The following FOXN3 variants were observed in gnomAD, a reference collection of about 807,000 sequenced individuals.
FOXN3 encodes forkhead box N3, also known as forkhead box protein N3.
In FOXN3, 7 loss-of-function variants were observed where a neutral mutation model predicts 38.4. The observed-to-expected ratio is 0.18, with a 90% CI of 0.10 to 0.34. The LOEUF is 0.34. FOXN3 is among the 10% of genes least tolerant of loss of function. The pLI is 1.00. For synonymous variants in FOXN3, 230 were observed against 242.2 expected (o/e 0.95, Z 0.47); for missense variants, 456 against 613.4 (o/e 0.74, Z 2.71).
chr14:89,292,261 A>G (rs912219449), intron 3 of FOXN3, among the ~76,000 whole-genome samples: 4 of 151,844 alleles, frequency 2.6e-5, no homozygotes, highest in African/African-American at 9.7e-5. Flanking sequence ...ATGATTTCTT[A>G]TCTTAGCCAT....
At chr14:89,479,372 G>A (rs1893277647) in intron 1 of FOXN3, among the ~76,000 whole-genome samples, 1 of 152,316 alleles carries the variant, frequency 6.6e-6, no homozygotes, top group Admixed American at 6.5e-5. Context: ...GGACCCTGTT[G>A]CAAAGTCATT....
At chr14:89,376,190 CT>C (rs1566971789) in intron 2 of FOXN3, among the ~76,000 whole-genome samples, 1 of 151,968 alleles carries the variant, frequency 6.6e-6, no homozygotes, top group Non-Finnish European at 1.5e-5. Context: ...GAGTCCAGAA[CT>C]TTTTTTTGTG....
chr14:89,352,827 T>C (rs1213847802), intron 2 of FOXN3, among the ~76,000 whole-genome samples: 2 of 152,172 alleles, frequency 1.3e-5, no homozygotes, highest in East Asian at 1.9e-4. Context: ...TGGTTTCTCC[T>C]AATCCTAACC....
At chr14:89,205,791 C>T (rs1015550308) in intron 4 of FOXN3, among the ~76,000 whole-genome samples, 1 of 152,264 alleles carries the variant, frequency 6.6e-6, no homozygotes, top group African/African-American at 2.4e-5. Flanking sequence ...AAACACTCAA[C>T]CCTAGATGCT....
At chr14:89,296,483 G>T (rs544141876) in intron 3 of FOXN3, among the ~76,000 whole-genome samples, 2 of 152,176 alleles carry the variant, frequency 1.3e-5, no homozygotes, top group Non-Finnish European at 2.9e-5. Context: ...AGATGCAAAT[G>T]AGCCTACTAA....
At chr14:89,605,018 C>T (rs921793586) in intron 1 of FOXN3, among the ~76,000 whole-genome samples, 6 of 147,786 alleles carry the variant, frequency 4.1e-5, no homozygotes, top group South Asian at 4.2e-4. Flanking sequence ...AGTTTTCCAT[C>T]GATTTATCCT....
At chr14:89,513,422 T>G (rs1298996648) in intron 1 of FOXN3, among the ~76,000 whole-genome samples, 6 of 151,878 alleles carry the variant, frequency 4.0e-5, no homozygotes, top group African/African-American at 1.5e-4. Context: ...TTGTTTTTAG[T>G]AGAGACAAAG....
At chr14:89,243,407 G>A (rs941712300) in intron 4 of FOXN3, among the ~76,000 whole-genome samples, 1 of 152,288 alleles carries the variant, frequency 6.6e-6, no homozygotes, top group East Asian at 1.9e-4. Flanking sequence ...GCGCCTGCCC[G>A]ATGCAAGCAG....
chr14:89,358,016 T>C (rs925605894), intron 2 of FOXN3, among the ~76,000 whole-genome samples: 4 of 152,148 alleles, frequency 2.6e-5, no homozygotes, highest in African/African-American at 9.7e-5. Flanking sequence ...TCCTCTGTAA[T>C]AGGGGTTAGT....
chr14:89,445,995 G>A (rs148769880), intron 1 of FOXN3, among the ~76,000 whole-genome samples: 1 of 149,892 alleles, frequency 6.7e-6, no homozygotes, highest in East Asian at 2.0e-4. Flanking sequence ...CTAGCTACTT[G>A]GAAGGCTGAG....
At chr14:89,323,524 G>T (rs1372741393) in intron 3 of FOXN3, among the ~76,000 whole-genome samples, 1 of 151,852 alleles carries the variant, frequency 6.6e-6, no homozygotes, top group Non-Finnish European at 1.5e-5. Flanking sequence ...TTTGAGACCA[G>T]CCTGACCAAC....
At chr14:89,188,483 TCTC>T (rs1887865221) in intron 4 of FOXN3, among the ~76,000 whole-genome samples, 1 of 152,174 alleles carries the variant, frequency 6.6e-6, no homozygotes, top group South Asian at 2.1e-4. Flanking sequence ...ACCAGACTCT[TCTC>T]CAAAATGGCA....
intron 3 of FOXN3, among the ~76,000 whole-genome samples, chr14:89,331,869 C>T (rs191761629): frequency 1.3e-5 from 2 of 150,220 alleles, no homozygotes; most frequent in Non-Finnish European, 3.0e-5. Flanking sequence ...TAACCCATTA[C>T]GGAGTGGTAA....
At chr14:89,240,673 G>T (rs1885114462) in intron 4 of FOXN3, among the ~76,000 whole-genome samples, 1 of 152,258 alleles carries the variant, frequency 6.6e-6, no homozygotes, top group East Asian at 1.9e-4. Flanking sequence ...TGATACAGAG[G>T]AAACTGGTCA....
rs10581958 is a variant in FOXN3, at chr14:89,613,116, CAAA to C, written c.-15+5909_-15+5911del. ...TGGGCGACAGAGCAAGACTCTGTCT[CAAA>C]AAAAAAAAAAAAAAAAAAAAAACTC... is the stretch of plus-strand genomic sequence containing the variant. On this transcript the variant is annotated intron_variant, in intron 1 of 6. Transcript: ENST00000345097. 2.3e-4 allele frequency among the ~76,000 whole-genome samples: 17 copies of C among 74,584 alleles called. No homozygotes were observed. The South Asian group carries it at 3.1e-3, about 14-fold the overall frequency. The allele number at this position is 74,584 out of a possible 152,430, so 48.9% of individuals were successfully genotyped here. A position where few individuals can be genotyped will look rare whatever the true frequency, so the allele number is the denominator to read the frequency against.
In FOXN3 at chr14:89,250,666, CAT is replaced by C. The variant is rs1885426995; in HGVS notation, c.745+30282_745+30283del. Among the ~76,000 whole-genome samples the C allele has an allele frequency of 3.3e-5, 5 of 152,190 alleles. No individual in the cohort carries two copies. In the South Asian group the frequency reaches 1.0e-3, roughly 32 times the overall value. On this transcript the variant is annotated intron_variant, in intron 4 of 5. Transcript: ENST00000557258. ...AAAATGTTTCTTCTGTCCCCAAACTCATATATGTTCCCGATATGGGTTGGCTG... is the reference window on the plus strand; with the variant it reads ...AAAATGTTTCTTCTGTCCCCAAACTCATATGTTCCCGATATGGGTTGGCTG...
intron 1 of FOXN3, among the ~76,000 whole-genome samples, chr14:89,527,155 C>T (rs1408326532): frequency 2.6e-5 from 4 of 151,718 alleles, no homozygotes; most frequent in South Asian, 4.2e-4. Context: ...TTTCAACAAA[C>T]GTTTCTAAAA....
chr14:89,273,240 C>T (rs1886205947), intron 4 of FOXN3, among the ~76,000 whole-genome samples: 1 of 152,200 alleles, frequency 6.6e-6, no homozygotes, highest in Admixed American at 6.5e-5. Context: ...CTTCCGAAGT[C>T]CAGCCTCAGT....
chr14:89,376,145 G>A (rs1890471345), intron 2 of FOXN3, among the ~76,000 whole-genome samples: 2 of 152,158 alleles, frequency 1.3e-5, no homozygotes. Context: ...TGGAGAAATG[G>A]ATGATCTCAT....
Sources: allele counts gnomAD v4.1 joint callset (sites outside exome capture counted in the v4.1 genomes callset), GRCh38; gene constraint gnomAD v4.1.1; transcripts MANE v1.5; gene names NCBI Gene and HGNC (gene_info 2026-07-23, HGNC 2026-07-21).